DLGAP2: variants seen among roughly 807,000 people sequenced by gnomAD.
The protein encoded by DLGAP2 is DLG associated protein 2.
A neutral mutation model predicts 100.3 loss-of-function variants in DLGAP2; 26 were observed. That is an observed-to-expected ratio of 0.26 (90% CI 0.19 to 0.36). DLGAP2 has a LOEUF of 0.36. Ranked by LOEUF, DLGAP2 falls within the 10% of genes least tolerant of loss-of-function variation. The probability of loss-of-function intolerance (pLI) is 1.00; values close to 1 mark genes in which losing one functional copy is unlikely to be tolerated. For missense variants in DLGAP2, 1,858 were observed against 1,453.2 expected (o/e 1.28, Z -4.53); for synonymous variants, 886 against 630.1 (o/e 1.41, Z -6.08).
At position 1,142,694 on chromosome 8, in the gene DLGAP2, G is replaced by C. The variant is rs1336344221; in HGVS notation, c.74-116157G>C. On this transcript the variant is annotated intron_variant, in intron 2 of 14. Transcript: ENST00000637795. ...GTTGGCCGTTGGAACGGCTTTGCTA[G>C]GGCAGGACGGGGCTGCCATTGTCAT... is the stretch of plus-strand genomic sequence containing the variant. Among the ~76,000 whole-genome samples the C allele has an allele frequency of 4.6e-5, 7 of 152,298 alleles. 1 individual carries two copies. The highest frequency in any genetic ancestry group is 3.3e-4 in the Admixed American group (5 of 15,292).
At chr8:802,619 G>A in intron 1 of DLGAP2, among the ~76,000 whole-genome samples, 1 of 152,168 alleles carries the variant, frequency 6.6e-6, no homozygotes, top group East Asian at 1.9e-4. Context: ...AGAACCCACA[G>A]CCCCCGAGAG....
intron 3 of DLGAP2, among the ~76,000 whole-genome samples, chr8:1,474,791 C>A (rs139495318): frequency 1.3e-3 from 192 of 152,316 alleles, no homozygotes; most frequent in African/African-American, 4.4e-3. Flanking sequence ...TGCGAGCGTA[C>A]ATTGGTTCAG....
At chr8:1,284,936 G>A (rs913367626) in intron 3 of DLGAP2, among the ~76,000 whole-genome samples, 1 of 152,132 alleles carries the variant, frequency 6.6e-6, no homozygotes. Context: ...GTTTTTGCCT[G>A]CCCATCTTTG....
In DLGAP2 at chr8:1,702,741, G is replaced by C. The variant is rs572417364; in HGVS notation, c.*1335G>C. Reference sequence around the variant, plus strand: ...GCTGCTGCAACCATTGTTCTGACACGACTTCTGTTTCACAGTTCAGACCGG... The same window carrying C: ...GCTGCTGCAACCATTGTTCTGACACCACTTCTGTTTCACAGTTCAGACCGG... On this transcript the variant is annotated 3_prime_UTR_variant, in exon 15 of 15. Transcript: ENST00000637795. The C allele has an allele frequency of 2.6e-5, 4 of 152,332 alleles. No homozygotes were observed. The South Asian group carries it at 8.3e-4, about 32-fold the overall frequency. 9.4% of individuals were successfully genotyped at this position (152,332 alleles called of 1,614,324 possible). A position where few individuals can be genotyped will look rare whatever the true frequency, so the allele number is the denominator to read the frequency against.
intron 2 of DLGAP2, among the ~76,000 whole-genome samples, chr8:1,076,547 GC>G (rs1484203459): frequency 6.6e-6 from 1 of 152,234 alleles, no homozygotes; most frequent in Non-Finnish European, 1.5e-5. Context: ...TGATGCTCCG[GC>G]CAGGGCCACG....
chr8:759,484 G>A (rs1821023317), intron 1 of DLGAP2, among the ~76,000 whole-genome samples: 1 of 151,746 alleles, frequency 6.6e-6, no homozygotes, highest in Non-Finnish European at 1.5e-5. Flanking sequence ...GCACTCCGGA[G>A]TCCACGGTTG....
intron 4 of DLGAP2, among the ~76,000 whole-genome samples, chr8:1,515,321 A>C (rs1419352405): frequency 6.6e-6 from 1 of 152,238 alleles, no homozygotes; most frequent in Admixed American, 6.5e-5. Flanking sequence ...GGAGGGGCAC[A>C]GAGAAAAGGA....
chr8:1,234,593 A>T (rs545367904), intron 2 of DLGAP2, among the ~76,000 whole-genome samples: 1 of 152,262 alleles, frequency 6.6e-6, no homozygotes, highest in African/African-American at 2.4e-5. Flanking sequence ...TCACATTTGA[A>T]TTTTGTGGAG....
chr8:1,555,002 G>A (rs147944197), intron 5 of DLGAP2, among the ~76,000 whole-genome samples: 9 of 152,316 alleles, frequency 5.9e-5, no homozygotes, highest in Admixed American at 2.0e-4. Flanking sequence ...GAACTGGCCA[G>A]CCTGGCTGTG....
At chr8:765,689 C>A (rs991003974) in intron 1 of DLGAP2, among the ~76,000 whole-genome samples, 1 of 152,136 alleles carries the variant, frequency 6.6e-6, no homozygotes, top group African/African-American at 2.4e-5. Flanking sequence ...TATGGAGTTT[C>A]CTCTATGGTC....
intron 3 of DLGAP2, among the ~76,000 whole-genome samples, chr8:1,449,927 G>T: frequency 7.1e-6 from 1 of 141,532 alleles, no homozygotes; most frequent in Non-Finnish European, 1.6e-5. Flanking sequence ...GGCGGCCTCG[G>T]TGGCTGAGGC....
At chr8:1,012,451 C>T (rs995728213) in intron 2 of DLGAP2, among the ~76,000 whole-genome samples, 1 of 152,258 alleles carries the variant, frequency 6.6e-6, no homozygotes, top group Admixed American at 6.5e-5. Flanking sequence ...GTGGCTGCCT[C>T]TGCGGGAACT....
chr8:1,252,210 C>G (rs1039958379), intron 2 of DLGAP2, among the ~76,000 whole-genome samples: 1 of 150,078 alleles, frequency 6.7e-6, no homozygotes, highest in Non-Finnish European at 1.5e-5. Flanking sequence ...TCACACTTGT[C>G]ACACTGTGGT....
intron 3 of DLGAP2, among the ~76,000 whole-genome samples, chr8:1,316,530 C>G (rs1800754628): frequency 7.5e-6 from 1 of 132,774 alleles, no homozygotes; most frequent in Non-Finnish European, 1.6e-5. Flanking sequence ...AGACACTCGG[C>G]AGCGTTTAAA....
At chr8:1,201,310 C>G (rs1051700427) in intron 2 of DLGAP2, among the ~76,000 whole-genome samples, 2 of 152,208 alleles carry the variant, frequency 1.3e-5, no homozygotes, top group African/African-American at 4.8e-5. Context: ...GTGTGAGGCC[C>G]TCAGCGACCC....
At chr8:1,010,225 TAC>T (rs887229010) in intron 2 of DLGAP2, among the ~76,000 whole-genome samples, 22 of 152,182 alleles carry the variant, frequency 1.4e-4, no homozygotes, top group Admixed American at 3.9e-4. Flanking sequence ...ATCAGTTTTA[TAC>T]ACACATACAC....
In DLGAP2 at chr8:1,496,315, G is replaced by A. The variant is rs115998630; in HGVS notation, c.107-5051G>A. ...CATCACAGGGCCTCGTGGGGGCGCC[G>A]AGAGGAGTGCATGGGGGTCGGAACC... On this transcript the variant is annotated intron_variant, in intron 3 of 14. Coordinates refer to ENST00000637795, the MANE Select transcript of DLGAP2 (RefSeq NM_001346810.2). Among the ~76,000 whole-genome samples the A allele has an allele frequency of 3.3e-3, 507 of 152,152 alleles. 2 individuals are homozygous for A. The highest frequency in any genetic ancestry group is 0.012 in the African/African-American group (483 of 41,512).
intron 2 of DLGAP2, among the ~76,000 whole-genome samples, chr8:1,240,082 C>A (rs1230265187): frequency 4.1e-5 from 6 of 145,914 alleles, no homozygotes; most frequent in Middle Eastern, 3.7e-3. Context: ...CACATGGTGC[C>A]GTTTCTAGTT....
intron 1 of DLGAP2, among the ~76,000 whole-genome samples, chr8:833,181 T>G (rs561451243): frequency 6.6e-6 from 1 of 152,250 alleles, no homozygotes; most frequent in East Asian, 1.9e-4. Context: ...TCTGTCAGAG[T>G]AGTGGTGACA....
Sources: gnomAD v4.1 joint callset for allele counts (sites outside exome capture counted in the v4.1 genomes callset) on GRCh38, gnomAD v4.1.1 for gene constraint, MANE v1.5 for transcripts, NCBI Gene and HGNC (gene_info 2026-07-23, HGNC 2026-07-21) for gene names.